COQ10B: variants seen among roughly 807,000 people sequenced by gnomAD.
The protein encoded by COQ10B is coenzyme Q10B.
A neutral mutation model predicts 27.6 loss-of-function variants in COQ10B; 12 were observed. That is an observed-to-expected ratio of 0.43 (90% CI 0.28 to 0.70). The LOEUF (loss-of-function observed/expected upper bound fraction) is 0.70, where lower values mean the gene tolerates loss of function less well. Ranked by LOEUF, COQ10B falls within the 30% of genes least tolerant of loss-of-function variation. The probability of loss-of-function intolerance (pLI) is 0.17; values close to 1 mark genes in which losing one functional copy is unlikely to be tolerated. For synonymous variants in COQ10B, 115 were observed against 103.0 expected (o/e 1.12, Z -0.71); for missense variants, 278 against 288.7 (o/e 0.96, Z 0.27).
intron 3 of COQ10B, among the ~76,000 whole-genome samples, chr2:197,463,419 C>T (rs964405851): frequency 7.3e-5 from 11 of 150,868 alleles, no homozygotes; most frequent in Admixed American, 2.6e-4. Flanking sequence ...TGCAGTGTGC[C>T]GAGATAGTGC....
intron 2 of COQ10B, 36 bp from the exon 3 acceptor site, chr2:197,462,503 G>A: frequency 9.3e-7 from 1 of 1,081,046 alleles, no homozygotes; most frequent in East Asian, 2.6e-5. Flanking sequence ...TAACTAGATG[G>A]AGTTAACACC....
intron 1 of COQ10B, among the ~76,000 whole-genome samples, chr2:197,459,075 T>A (rs1483271238): frequency 6.6e-6 from 1 of 152,202 alleles, no homozygotes; most frequent in Admixed American, 6.5e-5. Flanking sequence ...AACAATAAGT[T>A]TCTGGTTAAC....
intron 4 of COQ10B, among the ~76,000 whole-genome samples, chr2:197,470,574 A>T (rs1466559898): frequency 6.6e-6 from 1 of 152,154 alleles, no homozygotes; most frequent in Non-Finnish European, 1.5e-5. Flanking sequence ...AGCCTGGGGA[A>T]CATAGCAAGA....
At chr2:197,459,360 GT>G (rs1245638709) in intron 1 of COQ10B, among the ~76,000 whole-genome samples, 2 of 152,014 alleles carry the variant, frequency 1.3e-5, no homozygotes, top group Non-Finnish European at 2.9e-5. Context: ...TAGAGACAGG[GT>G]CGCTATGTTG....
intron 3 of COQ10B, among the ~76,000 whole-genome samples, chr2:197,466,285 A>G (rs771760691): frequency 3.9e-5 from 6 of 152,176 alleles, no homozygotes; most frequent in Non-Finnish European, 5.9e-5. Flanking sequence ...GTGCCTTTGC[A>G]TATTGCTTAT....
chr2:197,459,833 A>T, intron 1 of COQ10B, 99 bp from the exon 2 acceptor site: 1 of 800,412 alleles, frequency 1.2e-6, no homozygotes, highest in Admixed American at 3.5e-5. Context: ...TGAAGTTGCA[A>T]AGCCTTACAA....
intron 4 of COQ10B, among the ~76,000 whole-genome samples, chr2:197,471,660 G>A (rs2085878621): frequency 1.3e-5 from 2 of 151,932 alleles, no homozygotes; most frequent in South Asian, 4.2e-4. Flanking sequence ...GGACAATTGG[G>A]GCCAAGCACA....
chr2:197,454,435 C>T (rs2085673728), intron 1 of COQ10B, among the ~76,000 whole-genome samples: 1 of 151,860 alleles, frequency 6.6e-6, no homozygotes, highest in Admixed American at 6.6e-5. Context: ...AGTTGAGCCC[C>T]AGGACATTTA....
chr2:197,471,817 C>T (rs1308135564), intron 4 of COQ10B, among the ~76,000 whole-genome samples: 1 of 151,944 alleles, frequency 6.6e-6, no homozygotes, highest in Non-Finnish European at 1.5e-5. Context: ...TGGTGCATGC[C>T]TGTAGTCCTA....
intron 3 of COQ10B, among the ~76,000 whole-genome samples, chr2:197,464,875 CTTT>C (rs200668143): frequency 1.4e-5 from 2 of 138,520 alleles, no homozygotes. Flanking sequence ...GAACTTAAAT[CTTT>C]TTTTTTTTTT....
chr2:197,472,500 C>A (rs1034955763), intron 4 of COQ10B, among the ~76,000 whole-genome samples: 2 of 152,082 alleles, frequency 1.3e-5, no homozygotes, highest in African/African-American at 4.8e-5. Flanking sequence ...ACATCATTGG[C>A]TACTTTAAGA....
Position 197,464,026 on chromosome 2 carries a change from CAT to C in COQ10B, c.447+1297_447+1298del, listed in dbSNP as rs1262991044. Reference sequence around the variant, plus strand: ...ACACACACACACACACACACACACACATACATACACACACATATATATATACG... The same window carrying C: ...ACACACACACACACACACACACACACACATACACACACATATATATATACG... On this transcript the variant is annotated intron_variant, in intron 3 of 4. Transcript: ENST00000263960. Among the ~76,000 whole-genome samples, 811 of 104,900 alleles carry C rather than the reference CAT, an allele frequency of 7.7e-3. 11 individuals are homozygous for C. Among genetic ancestry groups the C allele is most frequent in the African/African-American group, 0.016 (440 of 26,672 alleles). The allele number at this position is 104,900 out of a possible 152,430, so 68.8% of individuals were successfully genotyped here. A position where few individuals can be genotyped will look rare whatever the true frequency, so the allele number is the denominator to read the frequency against.
At chr2:197,467,531 C>T (rs1269276712) in intron 3 of COQ10B, among the ~76,000 whole-genome samples, 1 of 152,190 alleles carries the variant, frequency 6.6e-6, no homozygotes, top group Non-Finnish European at 1.5e-5. Context: ...GCATGCGCCA[C>T]CACGCCCAGC....
chr2:197,468,217 G>C (rs965812964), intron 3 of COQ10B, among the ~76,000 whole-genome samples: 9 of 151,980 alleles, frequency 5.9e-5, no homozygotes, highest in African/African-American at 2.2e-4. Flanking sequence ...GAGGCGGGGG[G>C]ATCAGGAGGT....
At chr2:197,456,725 A>G (rs1449209202) in intron 1 of COQ10B, among the ~76,000 whole-genome samples, 2 of 152,000 alleles carry the variant, frequency 1.3e-5, no homozygotes. Context: ...AGATCACACC[A>G]CTGCACTCGA....
intron 4 of COQ10B, among the ~76,000 whole-genome samples, chr2:197,473,401 A>C (rs1188678421): frequency 2.6e-4 from 14 of 54,456 alleles, no homozygotes; most frequent in Admixed American, 5.4e-4. Flanking sequence ...GCCCCCCCCC[A>C]CAAAAAAAAA....
intron 2 of COQ10B, among the ~76,000 whole-genome samples, 195 bp downstream of exon 2, chr2:197,460,276 A>T (rs1158055573): frequency 4.1e-5 from 6 of 145,582 alleles, no homozygotes; most frequent in Non-Finnish European, 8.9e-5. Flanking sequence ...ATCTTGGCTC[A>T]CTGTAACCTT....
Position 197,473,852 on chromosome 2 carries a change from A to G in COQ10B, c.645A>G (p.Arg215=). The change falls in exon 5 of 5, where the codon AGA becomes AGG. Residue 215 remains arginine (R), a synonymous_variant. Transcript: ENST00000263960. ...AGATGGTAGCTGCCTTTGAAAGAAG[A>G]GCATGTAAGCTGTATGGTCCAGAAA... ...VKQMVAAFER[R]ACKLYGPETN... is the part of the protein sequence containing the mutation. 6.2e-7 allele frequency: 1 copy of G among 1,605,392 alleles called. No individual in the cohort carries two copies. Among genetic ancestry groups the G allele is most frequent in the East Asian group, 2.2e-5 (1 of 44,712 alleles).
chr2:197,467,738 C>A (rs1456390788), intron 3 of COQ10B, among the ~76,000 whole-genome samples: 1 of 152,160 alleles, frequency 6.6e-6, no homozygotes, highest in African/African-American at 2.4e-5. Context: ...TTACCCAATA[C>A]AGTAAAAATT....
Sources: allele counts gnomAD v4.1 joint callset (sites outside exome capture counted in the v4.1 genomes callset), GRCh38; gene constraint gnomAD v4.1.1; transcripts MANE v1.5; gene names NCBI Gene and HGNC (gene_info 2026-07-23, HGNC 2026-07-21).